The following STAB2 variants were observed in gnomAD, a reference collection of about 807,000 sequenced individuals.
The protein encoded by STAB2 is stabilin 2.
STAB2 carries 288 observed loss-of-function variants against 338.1 expected under a neutral mutation model. The observed-to-expected ratio is 0.85, with a 90% CI of 0.77 to 0.94. The LOEUF (loss-of-function observed/expected upper bound fraction) is 0.94, where lower values mean the gene tolerates loss of function less well. Among genes scored for constraint, STAB2 ranks in the 40% least tolerant of loss-of-function variants. The pLI is 0.00. For synonymous variants in STAB2, 1,202 were observed against 1,193.3 expected, an observed-to-expected ratio of 1.01 and a Z score of -0.15; for missense variants, 3,141 against 3,210.1, an observed-to-expected ratio of 0.98 and a Z score of 0.52.
chr12:103,761,275 A>G, intron 65 of STAB2, 25 bp from the exon 66 acceptor site: 1 of 1,608,186 alleles, frequency 6.2e-7, no homozygotes, highest in South Asian at 1.1e-5. Context: ...AGTAAAAGCC[A>G]TCAACCCTCT....
In STAB2 at chr12:103,717,788, C is replaced by A. The variant is rs1463711756; in HGVS notation, c.4630C>A (p.Pro1544Thr). Residue 1544 changes from proline to threonine, a missense_variant, in exon 44 of 69, where the codon CCA (proline) becomes ACA (threonine). Coordinates refer to ENST00000388887, the MANE Select transcript of STAB2 (RefSeq NM_017564.10). Reference sequence around the variant, plus strand: ...TGGACAGGCTGCCTGTAACTGTTTGCCAGCATACACTGGAGATGGAAAGGT... The same window carrying A: ...TGGACAGGCTGCCTGTAACTGTTTGACAGCATACACTGGAGATGGAAAGGT... ...GPNQAACNCL[P>T]AYTGDGKVCT... The A allele has an allele frequency of 8.1e-6, 13 of 1,614,132 alleles. No individual in the cohort carries two copies. The highest frequency in any genetic ancestry group is 1.1e-5 in the Non-Finnish European group (13 of 1,179,994).
chr12:103,704,672 A>C lies in STAB2; in HGVS notation c.3900+58A>C, dbSNP rs1879185552. The C allele has an allele frequency of 2.0e-6, 3 of 1,467,294 alleles. No homozygotes were observed. The East Asian group carries it at 6.9e-5, about 34-fold the overall frequency. The allele number at this position is 1,467,294 out of a possible 1,614,324, so 90.9% of individuals were successfully genotyped here. ...TCCAGATCCGAGGAGTCCCAATTAG[A>C]AAATGAACCTCAAGATTATGTGATT... is the stretch of plus-strand genomic sequence containing the variant. On this transcript the variant is annotated intron_variant, in intron 36 of 68. Transcript: ENST00000388887.
chr12:103,718,191 C>G (rs551227066), intron 44 of STAB2, among the ~76,000 whole-genome samples: 2 of 152,308 alleles, frequency 1.3e-5, no homozygotes, highest in Admixed American at 1.3e-4. Context: ...CTCACAGCAA[C>G]TTTCCACTCC....
intron 1 of STAB2, 39 bp from the exon 2 acceptor site, chr12:103,590,858 T>A (rs1956785913): frequency 6.2e-7 from 1 of 1,613,308 alleles, no homozygotes; most frequent in African/African-American, 1.3e-5. Flanking sequence ...AAGACTCTGA[T>A]AACAGGAATT....
At chr12:103,661,236 A>AG (rs1491553330) in intron 17 of STAB2, among the ~76,000 whole-genome samples, 31 of 138,726 alleles carry the variant, frequency 2.2e-4, no homozygotes, top group African/African-American at 7.3e-4. Flanking sequence ...AAAAAAAAAA[A>AG]AGAGAGAGAG....
At chr12:103,616,179 G>C (rs1273333100) in intron 3 of STAB2, among the ~76,000 whole-genome samples, 1 of 152,190 alleles carries the variant, frequency 6.6e-6, no homozygotes, top group Non-Finnish European at 1.5e-5. Flanking sequence ...TGGGAGCTTG[G>C]ATTGGGGAAG....
At chr12:103,597,146 G>A (rs907859550) in intron 3 of STAB2, among the ~76,000 whole-genome samples, 2 of 151,878 alleles carry the variant, frequency 1.3e-5, no homozygotes, top group African/African-American at 2.4e-5. Flanking sequence ...TAGATGTCTC[G>A]AAAGGCTTCC....
Position 103,726,154 on chromosome 12 carries a change from C to T in STAB2, c.4842C>T (p.Phe1614=). 1 of 1,613,946 alleles carries T rather than the reference C, an allele frequency of 6.2e-7. No individual in the cohort carries two copies. Among genetic ancestry groups the T allele is most frequent in the Non-Finnish European group, 8.5e-7 (1 of 1,179,872 alleles). ...PKNPKTSQYF[F]QLQEHFVKDL... ...ACCCGAAAACTTCCCAGTATTTCTT[C>T]CAGTTGCAGGTAGGAAATATACATG... The change falls in exon 46 of 69, where the codon TTC becomes TTT. Residue 1614 remains phenylalanine, a synonymous_variant. Coordinates refer to ENST00000388887, the MANE Select transcript of STAB2 (RefSeq NM_017564.10).
At chr12:103,636,323 A>G (rs958083146) in intron 6 of STAB2, among the ~76,000 whole-genome samples, 2 of 150,728 alleles carry the variant, frequency 1.3e-5, no homozygotes, top group Non-Finnish European at 2.9e-5. Flanking sequence ...CTTTAGAATT[A>G]TTTTATTTTA....
chr12:103,715,299 T>C (rs1044231257), intron 42 of STAB2, among the ~76,000 whole-genome samples: 2 of 151,704 alleles, frequency 1.3e-5, no homozygotes, highest in African/African-American at 4.9e-5. Context: ...GATGTTTCCA[T>C]TATACAGTTA....
chr12:103,690,645 C>A, intron 30 of STAB2, 107 bp downstream of exon 30: 1 of 895,742 alleles, frequency 1.1e-6, no homozygotes, highest in Non-Finnish European at 1.7e-6. Flanking sequence ...CGCAAAACTA[C>A]AGAGAACAGA....
At chr12:103,680,408 G>A (rs892135640) in intron 25 of STAB2, among the ~76,000 whole-genome samples, 3 of 152,242 alleles carry the variant, frequency 2.0e-5, no homozygotes, top group East Asian at 1.9e-4. Flanking sequence ...GGTACAACAT[G>A]ATTCAGGGCT....
rs369086451 is a variant in STAB2 at position 103,761,277 on chromosome 12, C to G, written c.7249-23C>G. 5.0e-5 allele frequency: 81 copies of G among 1,608,646 alleles called. No homozygotes were observed. The East Asian group carries it at 7.6e-4, about 15-fold the overall frequency. Reference sequence around the variant, plus strand: ...TGCCCACTCGGAGAGTAAAAGCCATCAACCCTCTTCTCATTTCCCTAGACG... The same window carrying G: ...TGCCCACTCGGAGAGTAAAAGCCATGAACCCTCTTCTCATTTCCCTAGACG... On this transcript the variant is annotated intron_variant, in intron 65 of 68. Coordinates refer to ENST00000388887, the MANE Select transcript of STAB2 (RefSeq NM_017564.10).
At chr12:103,674,774 T>C (rs1405334141) in intron 23 of STAB2, among the ~76,000 whole-genome samples, 1 of 152,246 alleles carries the variant, frequency 6.6e-6, no homozygotes, top group Non-Finnish European at 1.5e-5. Context: ...TTCTTGGTCC[T>C]CTCCTTGCAC....
chr12:103,621,285 T>A (rs1957297309), intron 4 of STAB2, among the ~76,000 whole-genome samples: 1 of 147,264 alleles, frequency 6.8e-6, no homozygotes, highest in Non-Finnish European at 1.5e-5. Flanking sequence ...GCATCCTTTG[T>A]GAACCGTTAG....
chr12:103,764,695 A>G (rs1593363247), intron 68 of STAB2, among the ~76,000 whole-genome samples: 1 of 152,340 alleles, frequency 6.6e-6, no homozygotes, highest in East Asian at 1.9e-4. Flanking sequence ...GTGGTTCTTC[A>G]TGCCTGTGGT....
rs191401228 is a variant in STAB2 at position 103,590,883 on chromosome 12, T to A, written c.82-14T>A. 5.9e-4 allele frequency: 954 copies of A among 1,613,942 alleles called. 6 individuals carry two copies. The African/African-American group carries it at 0.011, about 19-fold the overall frequency. On this transcript the variant is annotated splice_polypyrimidine_tract_variant and intron_variant, in intron 1 of 68. Transcript: ENST00000388887. ...TAACAGGAATTAATGTTCTTTTTTT[T>A]AATATTTACACAGGCAAGAAGATGT...
At chr12:103,589,692 A>G (rs927105394) in intron 1 of STAB2, among the ~76,000 whole-genome samples, 1 of 152,234 alleles carries the variant, frequency 6.6e-6, no homozygotes, top group Admixed American at 6.5e-5. Context: ...GTTTTGTGAA[A>G]GAGGTGGTGT....
intron 5 of STAB2, 75 bp from the exon 6 acceptor site, chr12:103,631,522 TA>T: frequency 7.0e-7 from 1 of 1,435,772 alleles, no homozygotes. Flanking sequence ...AAAGATGATC[TA>T]AAAACACTAG....
Sources: allele counts gnomAD v4.1 joint callset (sites outside exome capture counted in the v4.1 genomes callset), GRCh38; gene constraint gnomAD v4.1.1; transcripts MANE v1.5; gene names NCBI Gene and HGNC (gene_info 2026-07-23, HGNC 2026-07-21).